The following ADGRV1 variants were observed in gnomAD, a reference collection of about 807,000 sequenced individuals.
ADGRV1 encodes G-protein coupled receptor 98.
Under a neutral mutation model 596.2 loss-of-function variants are expected in ADGRV1, and 359 were observed. That is an observed-to-expected ratio of 0.60 (90% CI 0.55 to 0.66). The LOEUF (loss-of-function observed/expected upper bound fraction) is 0.66. Among genes scored for constraint, ADGRV1 ranks in the 30% least tolerant of loss-of-function variants. The pLI is 0.00. For synonymous variants in ADGRV1, 2,681 were observed against 2,679.2 expected, an observed-to-expected ratio of 1.00 and a Z score of -0.02; for missense variants, 7,274 against 7,575.6, an observed-to-expected ratio of 0.96 and a Z score of 1.48.
intron 83 of ADGRV1, among the ~76,000 whole-genome samples, chr5:90,963,210 GAAATGTTA>G (rs944940939): frequency 1.3e-5 from 2 of 152,098 alleles, no homozygotes; most frequent in African/African-American, 4.8e-5. Context: ...GACAGAACAT[GAAATGTTA>G]AAATGATTGC....
chr5:91,035,864 T>TATATATATATAATATATATA (rs1784853585), intron 85 of ADGRV1, among the ~76,000 whole-genome samples: 1 of 68,234 alleles, frequency 1.5e-5, no homozygotes, highest in Non-Finnish European at 3.5e-5. Flanking sequence ...ATATATATTA[T>TATATATATATAATATATATA]ATATATATAT....
At chr5:90,715,611 C>T (rs924049593) in intron 42 of ADGRV1, among the ~76,000 whole-genome samples, 2 of 150,254 alleles carry the variant, frequency 1.3e-5, no homozygotes, top group East Asian at 2.0e-4. Flanking sequence ...TTACATTAGG[C>T]TAATTTCTAA....
At chr5:90,960,563 A>G (rs1777921711) in intron 83 of ADGRV1, among the ~76,000 whole-genome samples, 1 of 152,238 alleles carries the variant, frequency 6.6e-6, no homozygotes, top group African/African-American at 2.4e-5. Flanking sequence ...TTATTACAAT[A>G]AAATCTTATT....
intron 38 of ADGRV1, among the ~76,000 whole-genome samples, chr5:90,706,982 G>C (rs1194958876): frequency 6.6e-6 from 1 of 151,826 alleles, no homozygotes; most frequent in Non-Finnish European, 1.5e-5. Context: ...ATTTTCTTAG[G>C]GCAGTCACCT....
At chr5:90,581,502 A>T (rs1346330743) in intron 1 of ADGRV1, among the ~76,000 whole-genome samples, 1 of 152,108 alleles carries the variant, frequency 6.6e-6, no homozygotes, top group Non-Finnish European at 1.5e-5. Flanking sequence ...TTTTCCTTCT[A>T]ACAGTCAAGT....
intron 18 of ADGRV1, 105 bp from the exon 19 acceptor site, chr5:90,652,241 T>C (rs1768738415): frequency 7.9e-6 from 6 of 762,764 alleles, no homozygotes; most frequent in Non-Finnish European, 1.2e-5. Flanking sequence ...CTGGTTTGTT[T>C]CTTTTAAGAC....
intron 71 of ADGRV1, among the ~76,000 whole-genome samples, chr5:90,803,395 TC>T (rs1050264572): frequency 6.6e-6 from 1 of 152,234 alleles, no homozygotes; most frequent in African/African-American, 2.4e-5. Flanking sequence ...TTGAGGGCTT[TC>T]CTTTCCTTTC....
chr5:90,932,485 A>G (rs908845718), intron 83 of ADGRV1, among the ~76,000 whole-genome samples: 1 of 152,108 alleles, frequency 6.6e-6, no homozygotes, highest in African/African-American at 2.4e-5. Context: ...ACAACTTCCA[A>G]ATGTTTTGGT....
chr5:91,135,763 T>A (rs1188956019), intron 87 of ADGRV1, among the ~76,000 whole-genome samples: 4 of 152,168 alleles, frequency 2.6e-5, no homozygotes, highest in African/African-American at 9.7e-5. Context: ...TCCAGTTTTC[T>A]TGCTTAGAGA....
chr5:90,960,154 C>A (rs111638593), intron 83 of ADGRV1, among the ~76,000 whole-genome samples: 1,333 of 113,104 alleles, frequency 0.012, 39 homozygotes, highest in African/African-American at 0.046. Flanking sequence ...AAAAAAAAAA[C>A]AAAAAACAGA....
chr5:91,115,653 G>C (rs939559453), intron 87 of ADGRV1, among the ~76,000 whole-genome samples: 1 of 152,044 alleles, frequency 6.6e-6, no homozygotes, highest in African/African-American at 2.4e-5. Context: ...AAAACAATAG[G>C]GAAAACAGAC....
At chr5:90,702,649 A>G (rs898675139) in intron 34 of ADGRV1, among the ~76,000 whole-genome samples, 1 of 151,876 alleles carries the variant, frequency 6.6e-6, no homozygotes, top group African/African-American at 2.4e-5. Context: ...TTATTGCTTT[A>G]TTTCTACTTT....
intron 32 of ADGRV1, among the ~76,000 whole-genome samples, chr5:90,693,377 T>C (rs1746740325): frequency 6.6e-6 from 1 of 152,136 alleles, no homozygotes; most frequent in African/African-American, 2.4e-5. Flanking sequence ...AGATTACTTA[T>C]AATACCTAAT....
At chr5:90,751,734 A>G (rs1456001359) in intron 53 of ADGRV1, among the ~76,000 whole-genome samples, 1 of 152,210 alleles carries the variant, frequency 6.6e-6, no homozygotes, top group Admixed American at 6.5e-5. Context: ...GTCTCAAAAA[A>G]AGGACAGGTA....
chr5:90,569,373 A>AT (rs1756115647), intron 1 of ADGRV1, among the ~76,000 whole-genome samples: 2 of 20,364 alleles, frequency 9.8e-5, no homozygotes, highest in East Asian at 1.2e-3. Context: ...ATATATATAT[A>AT]TATATATATA....
chr5:91,120,113 G>A (rs749599486), intron 87 of ADGRV1, among the ~76,000 whole-genome samples: 1 of 152,148 alleles, frequency 6.6e-6, no homozygotes, highest in East Asian at 1.9e-4. Context: ...TACACCAGAC[G>A]CTGCAAACTC....
intron 77 of ADGRV1, among the ~76,000 whole-genome samples, chr5:90,833,325 C>A (rs1259715466): frequency 6.6e-6 from 1 of 152,038 alleles, no homozygotes; most frequent in Non-Finnish European, 1.5e-5. Context: ...TGATCTTTTG[C>A]CCAGGCTGGA....
rs147531927 is a variant in ADGRV1, at chr5:90,691,114, T to C, written c.6951+73T>C. On this transcript the variant is annotated intron_variant, in intron 31 of 89. Coordinates refer to ENST00000405460, the MANE Select transcript of ADGRV1 (RefSeq NM_032119.4). ...CTATAGTGACTAGAACAGATGGCCA[T>C]TGTAACATTTTGGAGAGGATGTCAA... is the stretch of plus-strand genomic sequence containing the variant. 8 of 1,544,604 alleles carry C rather than the reference T, an allele frequency of 5.2e-6. No homozygotes were observed. In the East Asian group the frequency reaches 1.8e-4, roughly 35 times the overall value.
intron 87 of ADGRV1, among the ~76,000 whole-genome samples, chr5:91,148,214 G>T (rs148888568): frequency 1.7e-4 from 26 of 152,320 alleles, no homozygotes; most frequent in African/African-American, 5.5e-4. Flanking sequence ...GCTGGCTGCA[G>T]AAATTTGCAT....
Sources: allele counts gnomAD v4.1 joint callset (sites outside exome capture counted in the v4.1 genomes callset), GRCh38; gene constraint gnomAD v4.1.1; transcripts MANE v1.5; gene names NCBI Gene and HGNC (gene_info 2026-07-23, HGNC 2026-07-21).